ACVR2B: variants seen among roughly 807,000 people sequenced by gnomAD.
The protein encoded by ACVR2B is activin A receptor type 2B.
ACVR2B carries 18 observed loss-of-function variants against 65.1 expected under a neutral mutation model. That is an observed-to-expected ratio of 0.28 (90% CI 0.19 to 0.41). ACVR2B has a LOEUF of 0.41. Ranked by LOEUF, ACVR2B falls within the 10% of genes least tolerant of loss-of-function variation. The probability of loss-of-function intolerance (pLI) is 1.00; values close to 1 mark genes in which losing one functional copy is unlikely to be tolerated. For missense variants in ACVR2B, 482 were observed against 682.7 expected, an observed-to-expected ratio of 0.71 and a Z score of 3.28; for synonymous variants, 298 against 277.7, an observed-to-expected ratio of 1.07 and a Z score of -0.73.
At chr3:38,474,335 C>T (rs2268761) in intron 1 of ACVR2B, 9,915 of 152,506 alleles carry the variant, frequency 0.065, 892 homozygotes, top group African/African-American at 0.19. Flanking sequence ...TGTTTGGGCT[C>T]CTGCCTCAGC....
In ACVR2B at chr3:38,479,758, C is replaced by T; in HGVS notation, c.891C>T (p.Gly297=). 3 of 1,614,238 alleles carry T rather than the reference C, an allele frequency of 1.9e-6. No homozygotes were observed. In the South Asian group the frequency reaches 3.3e-5, roughly 18 times the overall value. The part of the protein sequence containing the change: ...LCHVAETMSR[G]LSYLHEDVPW... ...ATGTAGCAGAGACGATGTCACGAGGCCTCTCATACCTGCATGAGGATGTGC... is the reference window on the plus strand; with the variant it reads ...ATGTAGCAGAGACGATGTCACGAGGTCTCTCATACCTGCATGAGGATGTGC... The change falls in exon 7 of 11, where the codon GGC becomes GGT. Residue 297 remains glycine (G), a synonymous_variant. Transcript: ENST00000352511.
At chr3:38,472,431 A>G (rs899699496) in intron 1 of ACVR2B, among the ~76,000 whole-genome samples, 2 of 152,040 alleles carry the variant, frequency 1.3e-5, no homozygotes, top group Non-Finnish European at 2.9e-5. Context: ...GGCCCTCCTG[A>G]GATGTTCTTG....
chr3:38,475,721 C>T (rs1164744022), intron 1 of ACVR2B: 1 of 152,504 alleles, frequency 6.6e-6, no homozygotes, highest in East Asian at 1.9e-4. Context: ...GTGAGGATGT[C>T]CTTAGGCTAC....
intron 1 of ACVR2B, among the ~76,000 whole-genome samples, chr3:38,472,934 C>G (rs1424259331): frequency 2.6e-5 from 4 of 152,184 alleles, no homozygotes; most frequent in African/African-American, 7.2e-5. Flanking sequence ...TTTGACCTCC[C>G]AGTGCGTGTC....
chr3:38,481,317 G>A lies in ACVR2B; in HGVS notation c.960-34G>A, dbSNP rs1400938299. The A allele has an allele frequency of 1.3e-6, 2 of 1,562,488 alleles. No individual in the cohort carries two copies. The highest frequency in any genetic ancestry group is 1.8e-6 in the Non-Finnish European group (2 of 1,133,378). On this transcript the variant is annotated intron_variant, in intron 7 of 10. Coordinates refer to ENST00000352511, the MANE Select transcript of ACVR2B (RefSeq NM_001106.4). The surrounding 1 kb of genome is among the most constrained non-coding windows in gnomAD (Gnocchi z 4.7). ...ACCAAGGTGGGAGTTGGATCATGAT[G>A]TTAAGCTTTATCTCTGCCCACTTGT... is the stretch of plus-strand genomic sequence containing the variant.
Position 38,453,964 on chromosome 3 carries a change from C to G in ACVR2B, c.-359C>G, listed in dbSNP as rs1309459364. 1 of 147,882 alleles carries G rather than the reference C, an allele frequency of 6.8e-6. No homozygotes were observed. Among genetic ancestry groups the G allele is most frequent in the African/African-American group, 2.5e-5 (1 of 40,708 alleles). 9.2% of individuals were successfully genotyped at this position (147,882 alleles called of 1,614,324 possible). ...CTCCCCTCCCCCCCACCCCTCCCCC[C>G]GTTCATGGCCCCTCCGGACTCGGCC... On this transcript the variant is annotated 5_prime_UTR_variant, in exon 1 of 11. Coordinates refer to ENST00000352511, the MANE Select transcript of ACVR2B (RefSeq NM_001106.4).
At chr3:38,460,135 T>G (rs1024622984) in intron 1 of ACVR2B, among the ~76,000 whole-genome samples, 3 of 152,202 alleles carry the variant, frequency 2.0e-5, no homozygotes, top group African/African-American at 4.8e-5. Flanking sequence ...CATCTGTTTT[T>G]GGGGTCTTTA....
intron 1 of ACVR2B, among the ~76,000 whole-genome samples, chr3:38,467,361 C>T (rs927652965): frequency 4.0e-5 from 6 of 151,760 alleles, no homozygotes; most frequent in African/African-American, 1.2e-4. Context: ...GAGAATCACT[C>T]GAACATGGGA....
At chr3:38,469,358 A>G (rs2125717162) in intron 1 of ACVR2B, among the ~76,000 whole-genome samples, 1 of 152,322 alleles carries the variant, frequency 6.6e-6, no homozygotes, top group East Asian at 1.9e-4. Context: ...TTTAAGTAGC[A>G]GTGTGGACAA....
chr3:38,481,589 C>A lies in ACVR2B; in HGVS notation c.1074+124C>A. On this transcript the variant is annotated intron_variant, in intron 8 of 10. Coordinates refer to ENST00000352511, the MANE Select transcript of ACVR2B (RefSeq NM_001106.4). This position sits in a 1 kb window ranked among gnomAD's most constrained non-coding sequence, Gnocchi z 4.7. ...GCATGCGTTCAGAGCTGTCTGAGAA[C>A]TTAGAGCAATGCTCTTGTTTGACCA... 3 of 789,216 alleles carry A rather than the reference C, an allele frequency of 3.8e-6. No individual in the cohort carries two copies. The highest frequency in any genetic ancestry group is 4.4e-6 in the Non-Finnish European group (2 of 456,376). The allele number at this position is 789,216 out of a possible 1,614,324, so 48.9% of individuals were successfully genotyped here.
Position 38,483,023 on chromosome 3 carries a change from G to A in ACVR2B, c.1345-115G>A. On this transcript the variant is annotated intron_variant, in intron 10 of 10. Transcript: ENST00000352511. The surrounding 1 kb of genome is among the most constrained non-coding windows in gnomAD (Gnocchi z 4.8). ...GCTGGTGGACCTGCTGCTGTGGTTGGGGCTGGTGGGCTCTGCCTGATCCTT... is the reference window on the plus strand; with the variant it reads ...GCTGGTGGACCTGCTGCTGTGGTTGAGGCTGGTGGGCTCTGCCTGATCCTT... 1 of 1,200,162 alleles carries A rather than the reference G, an allele frequency of 8.3e-7. No homozygotes were observed. 74.3% of individuals were successfully genotyped at this position (1,200,162 alleles called of 1,614,324 possible).
rs1710153607 is a variant in ACVR2B, at chr3:38,488,149, A to G, written c.*4817A>G. ...TAAACTAATGAAATACTTAGCAGCT[A>G]ACATGTTCAATCTAGTAATGATGAG... is the stretch of plus-strand genomic sequence containing the variant. On this transcript the variant is annotated 3_prime_UTR_variant, in exon 11 of 11. Coordinates refer to ENST00000352511, the MANE Select transcript of ACVR2B (RefSeq NM_001106.4). 6.6e-6 allele frequency: 1 copy of G among 152,248 alleles called. No homozygotes were observed. Among genetic ancestry groups the G allele is most frequent in the Non-Finnish European group, 1.5e-5 (1 of 68,046 alleles). 9.4% of individuals were successfully genotyped at this position (152,248 alleles called of 1,614,324 possible).
At chr3:38,462,824 T>C (rs13059256) in intron 1 of ACVR2B, among the ~76,000 whole-genome samples, 78,611 of 152,060 alleles carry the variant, frequency 0.52, 21,460 homozygotes, top group Non-Finnish European at 0.61. Flanking sequence ...CGTATGTTAT[T>C]GGTTTTAATA....
chr3:38,487,046 G>C lies in ACVR2B; in HGVS notation c.*3714G>C, dbSNP rs928813. 1 of 152,336 alleles carries C rather than the reference G, an allele frequency of 6.6e-6. No individual in the cohort carries two copies. The highest frequency in any genetic ancestry group is 1.9e-4 in the East Asian group (1 of 5,172). The allele number at this position is 152,336 out of a possible 1,614,324, so 9.4% of individuals were successfully genotyped here. A position where few individuals can be genotyped will look rare whatever the true frequency, so the allele number is the denominator to read the frequency against. On this transcript the variant is annotated 3_prime_UTR_variant, in exon 11 of 11. Transcript: ENST00000352511. Reference sequence around the variant, plus strand: ...GGGGCAAGGGCTGCAAGTGGGCTGTGCTTAGGAGAAAGTGACACCTGGCAG... The same window carrying C: ...GGGGCAAGGGCTGCAAGTGGGCTGTCCTTAGGAGAAAGTGACACCTGGCAG...
intron 1 of ACVR2B, chr3:38,473,945 G>A (rs895180819): frequency 1.3e-5 from 2 of 152,456 alleles, no homozygotes; most frequent in African/African-American, 2.4e-5. Flanking sequence ...GCAATGGCAC[G>A]ACCTCAGCTC....
chr3:38,482,979 A>G (rs1449900467), intron 10 of ACVR2B, among the ~76,000 whole-genome samples, 159 bp from the exon 11 acceptor site: 2 of 152,102 alleles, frequency 1.3e-5, no homozygotes, highest in Non-Finnish European at 2.9e-5. Flanking sequence ...CTGATTCCTG[A>G]AGTTTTCCCC....
At position 38,461,375 on chromosome 3, in the gene ACVR2B, A is replaced by T. The variant is rs146866594; in HGVS notation, c.52+7001A>T. On this transcript the variant is annotated intron_variant, in intron 1 of 10. Transcript: ENST00000352511. ...GGGAGTCCTGTGGCCCAGGGCTCAC[A>T]CAAGAGGTCCCGCTTCTCTGTGTAG... is the stretch of plus-strand genomic sequence containing the variant. Among the ~76,000 whole-genome samples, 71 of 152,328 alleles carry T rather than the reference A, an allele frequency of 4.7e-4. No individual in the cohort carries two copies. In the East Asian group the frequency reaches 0.013, roughly 29 times the overall value.
Position 38,492,649 on chromosome 3 carries a change from A to AAATATAT in ACVR2B, c.*9318_*9319insATATATA, listed in dbSNP as rs1553679293. ...ATACTAAAGTATCATGTTTAAAAAA[A>AAATATAT]ATATATATATATATACAGAGTTAAG... On this transcript the variant is annotated 3_prime_UTR_variant, in exon 11 of 11. Coordinates refer to ENST00000352511, the MANE Select transcript of ACVR2B (RefSeq NM_001106.4). 1 of 148,642 alleles carries AAATATAT rather than the reference A, an allele frequency of 6.7e-6. No individual in the cohort carries two copies. The highest frequency in any genetic ancestry group is 2.5e-5 in the African/African-American group (1 of 40,394). The allele number at this position is 148,642 out of a possible 1,614,324, so 9.2% of individuals were successfully genotyped here.
At chr3:38,480,714 A>G (rs1023642134) in intron 7 of ACVR2B, among the ~76,000 whole-genome samples, 2 of 152,368 alleles carry the variant, frequency 1.3e-5, no homozygotes, top group African/African-American at 2.4e-5. Context: ...TGTCTCTGCT[A>G]TATGGCTCAA....
Sources: allele counts gnomAD v4.1 joint callset (sites outside exome capture counted in the v4.1 genomes callset), GRCh38; gene constraint gnomAD v4.1.1; non-coding constraint Gnocchi (gnomAD v3.1); transcripts MANE v1.5; gene names NCBI Gene and HGNC (gene_info 2026-07-23, HGNC 2026-07-21).